MTA3: variants seen among roughly 807,000 people sequenced by gnomAD.
MTA3 encodes metastasis-associated protein MTA3.
Under a neutral mutation model 83.5 loss-of-function variants are expected in MTA3, and 34 were observed. The observed-to-expected ratio is 0.41, with a 90% confidence interval of 0.31 to 0.54. MTA3 has a LOEUF of 0.54. Ranked by LOEUF, MTA3 falls within the 20% of genes least tolerant of loss-of-function variation. The probability of loss-of-function intolerance (pLI) is 0.33; values close to 1 mark genes in which losing one functional copy is unlikely to be tolerated. For synonymous variants in MTA3, 303 were observed against 252.7 expected, an observed-to-expected ratio of 1.20 and a Z score of -1.89; for missense variants, 761 against 726.4, an observed-to-expected ratio of 1.05 and a Z score of -0.55.
At chr2:42,685,506 G>T (rs906410929) in intron 9 of MTA3, among the ~76,000 whole-genome samples, 3 of 152,184 alleles carry the variant, frequency 2.0e-5, no homozygotes, top group Non-Finnish European at 4.4e-5. Flanking sequence ...TGGCTCCAAC[G>T]TGCTGTCTCT....
At chr2:42,525,524 T>TCCTTTCTTC (rs1275921120) in intron 2 of MTA3, among the ~76,000 whole-genome samples, 2 of 147,418 alleles carry the variant, frequency 1.4e-5, no homozygotes, top group Non-Finnish European at 3.0e-5. Context: ...TTTCTTCCCT[T>TCCTTTCTTC]CCTTCCTTCC....
intron 14 of MTA3, among the ~76,000 whole-genome samples, chr2:42,711,747 TCTGTGATCTACTG>T (rs1666626511): frequency 7.9e-6 from 1 of 126,214 alleles, no homozygotes; most frequent in African/African-American, 3.1e-5. Context: ...GGCAACCATG[TCTGTGATCTACTG>T]GGAGTGTATA....
chr2:42,610,582 AT>A (rs1684069078), intron 4 of MTA3, among the ~76,000 whole-genome samples: 1 of 152,198 alleles, frequency 6.6e-6, no homozygotes, highest in Non-Finnish European at 1.5e-5. Flanking sequence ...GTGGTTTTCT[AT>A]GATCTACTGG....
At chr2:42,642,819 A>G (rs1317355537) in intron 5 of MTA3, among the ~76,000 whole-genome samples, 1 of 151,562 alleles carries the variant, frequency 6.6e-6, no homozygotes, top group Non-Finnish European at 1.5e-5. Flanking sequence ...TGATTTTTCT[A>G]TTTTTAGTAG....
intron 1 of MTA3, among the ~76,000 whole-genome samples, chr2:42,570,163 TTTTG>T (rs759519475): frequency 2.0e-5 from 3 of 152,166 alleles, no homozygotes; most frequent in Non-Finnish European, 4.4e-5. Flanking sequence ...GAGGTGTCTT[TTTTG>T]TTTATTATTA....
At chr2:42,662,689 C>T (rs1168741357) in intron 8 of MTA3, among the ~76,000 whole-genome samples, 7 of 151,456 alleles carry the variant, frequency 4.6e-5, no homozygotes, top group Non-Finnish European at 1.0e-4. Context: ...TTTTAAATGA[C>T]CTCCACCGCC....
At chr2:42,596,831 T>C (rs1236383171) in intron 3 of MTA3, among the ~76,000 whole-genome samples, 1 of 152,328 alleles carries the variant, frequency 6.6e-6, no homozygotes, top group East Asian at 1.9e-4. Flanking sequence ...CCTTAATTTT[T>C]TTTTTGCTGT....
Position 42,711,085 on chromosome 2 carries a change from T to C in MTA3, c.1525+1989T>C, listed in dbSNP as rs77610980. 1.0e-2 allele frequency among the ~76,000 whole-genome samples: 1,515 copies of C among 151,856 alleles called. 21 individuals are homozygous for C. Among genetic ancestry groups the C allele is most frequent in the African/African-American group, 0.035 (1,437 of 41,334 alleles). ...CACAGACTCCGCATTAAAAAATAAA[T>C]AAATAAATAAAAATTAAAAAGTAAA... On this transcript the variant is annotated intron_variant, in intron 14 of 16. Transcript: ENST00000405094.
chr2:42,722,282 C>T (rs1055375209), intron 15 of MTA3, among the ~76,000 whole-genome samples: 1 of 152,196 alleles, frequency 6.6e-6, no homozygotes, highest in Non-Finnish European at 1.5e-5. Context: ...GCATATACCA[C>T]AGGCACATTA....
chr2:42,633,010 A>G (rs1188918553), intron 4 of MTA3, among the ~76,000 whole-genome samples: 1 of 151,858 alleles, frequency 6.6e-6, no homozygotes, highest in East Asian at 1.9e-4. Context: ...TACACCTGTA[A>G]TCCCAGCACT....
At position 42,591,481 on chromosome 2, in the gene MTA3, AC is replaced by A. The variant is rs1680984470; in HGVS notation, c.190+12284del. Among the ~76,000 whole-genome samples, 3 of 152,262 alleles carry A rather than the reference AC, an allele frequency of 2.0e-5. No individual in the cohort carries two copies. In the South Asian group the frequency reaches 6.2e-4, roughly 32 times the overall value. On this transcript the variant is annotated intron_variant, in intron 3 of 16. Transcript: ENST00000405094. ...AACGTTTTCCTTCAATAATGAATTA[AC>A]CCAATTTATTATAACTTTTTAACTT...
At chr2:42,646,939 G>A (rs1447089679) in intron 6 of MTA3, among the ~76,000 whole-genome samples, 5 of 151,820 alleles carry the variant, frequency 3.3e-5, no homozygotes, top group Admixed American at 6.6e-5. Context: ...GGCGGATCAC[G>A]AGGTCAGGCG....
chr2:42,574,659 C>G (rs1678854431), intron 2 of MTA3, among the ~76,000 whole-genome samples: 1 of 149,330 alleles, frequency 6.7e-6, no homozygotes. Flanking sequence ...GGCTGGTCAT[C>G]AAGTGATCCA....
chr2:42,556,570 C>G (rs1036375016), intron 2 of MTA3, among the ~76,000 whole-genome samples: 1 of 152,196 alleles, frequency 6.6e-6, no homozygotes, highest in Non-Finnish European at 1.5e-5. Flanking sequence ...GGCCGGGAGT[C>G]ACTCCCTCCC....
At chr2:42,606,815 C>A (rs954658963) in intron 3 of MTA3, among the ~76,000 whole-genome samples, 1 of 150,058 alleles carries the variant, frequency 6.7e-6, no homozygotes, top group Non-Finnish European at 1.5e-5. Flanking sequence ...AACGAGACTC[C>A]GTCTGCAATC....
rs373893751 is a variant in MTA3, at chr2:42,615,601, A to C, written c.317+6017A>C. On this transcript the variant is annotated intron_variant, in intron 4 of 16. Coordinates refer to ENST00000405094, the MANE Select transcript of MTA3 (RefSeq NM_001330442.2). ...GATCTCATGACCTTGTGATCCGCCCACCTCGGCGTCCCAAAGTGCTGGAAT... is the reference window on the plus strand; with the variant it reads ...GATCTCATGACCTTGTGATCCGCCCCCCTCGGCGTCCCAAAGTGCTGGAAT... Among the ~76,000 whole-genome samples, 53 of 147,704 alleles carry C rather than the reference A, an allele frequency of 3.6e-4. No homozygotes were observed. In the East Asian group the frequency reaches 4.3e-3, roughly 12 times the overall value.
intron 2 of MTA3, among the ~76,000 whole-genome samples, chr2:42,518,828 T>C (rs2103687912): frequency 6.6e-6 from 1 of 152,040 alleles, no homozygotes; most frequent in Middle Eastern, 3.4e-3. Context: ...TAGCCAGGCA[T>C]GGTGGGGCGA....
At chr2:42,604,569 C>CTTTTTTTTTT (rs1323312162) in intron 3 of MTA3, among the ~76,000 whole-genome samples, 1 of 47,472 alleles carries the variant, frequency 2.1e-5, no homozygotes, top group African/African-American at 1.6e-4. Context: ...CTGAATGTTT[C>CTTTTTTTTTT]TTTTCTTTTT....
At chr2:42,655,248 C>A (rs956129263) in intron 6 of MTA3, among the ~76,000 whole-genome samples, 2 of 152,204 alleles carry the variant, frequency 1.3e-5, no homozygotes, top group African/African-American at 4.8e-5. Context: ...CGAAAAACAT[C>A]TATGTAGGAT....
Sources: allele counts gnomAD v4.1 joint callset (sites outside exome capture counted in the v4.1 genomes callset), GRCh38; gene constraint gnomAD v4.1.1; transcripts MANE v1.5; gene names NCBI Gene and HGNC (gene_info 2026-07-23, HGNC 2026-07-21).